Variants in CFAP99 observed in about 807,000 individuals in gnomAD.
CFAP99 encodes the protein cilia and flagella associated protein 99.
CFAP99 carries 84 observed loss-of-function variants against 82.7 expected under a neutral mutation model. The observed-to-expected ratio is 1.02, with a 90% CI of 0.85 to 1.22. The LOEUF (loss-of-function observed/expected upper bound fraction) is 1.22. CFAP99 is among the 50% of genes most tolerant of loss of function. The pLI is 0.00. For missense variants in CFAP99, 1,059 were observed against 983.5 expected (o/e 1.08, Z -1.03); for synonymous variants, 456 against 429.5 (o/e 1.06, Z -0.76).
At chr4:2,457,125 T>C (rs1017517004) in intron 11 of CFAP99, among the ~76,000 whole-genome samples, 1 of 151,868 alleles carries the variant, frequency 6.6e-6, no homozygotes. Context: ...GCTAGTTTTG[T>C]ATTTTCTGTA....
At chr4:2,452,484 C>A in intron 11 of CFAP99, 138 bp downstream of exon 11, 2 of 877,856 alleles carry the variant, frequency 2.3e-6, no homozygotes, top group South Asian at 1.7e-5. Flanking sequence ...TTGGTCCTGG[C>A]TCCTCTTCCT....
At chr4:2,437,122 C>T in intron 3 of CFAP99, 104 bp downstream of exon 3, 2 of 1,368,552 alleles carry the variant, frequency 1.5e-6, no homozygotes, top group Non-Finnish European at 2.0e-6. Flanking sequence ...GGGCCAGCTC[C>T]TCCTTCCTGC....
intron 6 of CFAP99, 28 bp from the exon 7 acceptor site, chr4:2,449,642 T>G: frequency 6.5e-7 from 1 of 1,533,868 alleles, no homozygotes; most frequent in South Asian, 1.2e-5. Context: ...CTGCTGACCA[T>G]AGGCTCTTCC....
intron 2 of CFAP99, 100 bp downstream of exon 2, chr4:2,426,686 C>A (rs1318205477): frequency 9.1e-6 from 7 of 767,708 alleles, no homozygotes; most frequent in Non-Finnish European, 1.3e-5. Context: ...GACTGCCTTC[C>A]TTCCACATGG....
Position 2,445,245 on chromosome 4 carries a change from TG to T in CFAP99, c.580del (p.Ala194ProfsTer52). On this transcript the variant is annotated frameshift_variant, in exon 6 of 15. Coordinates refer to ENST00000635017, the Ensembl canonical transcript of CFAP99. LOFTEE classifies it high-confidence loss of function. ...CAGAGCCCAAGGAATTCAACCTGAC[TG>T]CCCCCAGGCCCCGCACCATTCCAGC... The T allele has an allele frequency of 6.9e-7, 1 of 1,447,588 alleles. No individual in the cohort carries two copies. The highest frequency in any genetic ancestry group is 9.1e-7 in the Non-Finnish European group (1 of 1,102,830). 89.7% of individuals were successfully genotyped at this position (1,447,588 alleles called of 1,614,324 possible).
At chr4:2,428,148 T>G (rs1733723452) in intron 2 of CFAP99, 1 of 152,572 alleles carries the variant, frequency 6.6e-6, no homozygotes. Context: ...GGCACACCTC[T>G]CATCCCGCCG....
At chr4:2,435,009 T>C (rs1733879189) in intron 2 of CFAP99, among the ~76,000 whole-genome samples, 1 of 152,016 alleles carries the variant, frequency 6.6e-6, no homozygotes, top group Non-Finnish European at 1.5e-5. Context: ...TAAAAGCAAC[T>C]GAAGGGCTGG....
intron 3 of CFAP99, among the ~76,000 whole-genome samples, chr4:2,437,663 T>C (rs1733947106): frequency 6.6e-6 from 1 of 152,206 alleles, no homozygotes; most frequent in Non-Finnish European, 1.5e-5. Flanking sequence ...AGCCTTATGA[T>C]GCGCAGCGCG....
intron 2 of CFAP99, among the ~76,000 whole-genome samples, chr4:2,432,640 G>A (rs560467883): frequency 2.2e-4 from 33 of 152,254 alleles, no homozygotes; most frequent in Non-Finnish European, 3.5e-4. Flanking sequence ...GCAGACAAGT[G>A]CACTTCTGGA....
chr4:2,436,746 G>C, intron 2 of CFAP99, 128 bp from the exon 3 acceptor site: 3 of 721,380 alleles, frequency 4.2e-6, no homozygotes, highest in Non-Finnish European at 6.8e-6. Context: ...TGCCTTGGGG[G>C]CCCCACTAAC....
chr4:2,460,036 G>A lies in CFAP99; in HGVS notation c.1456-1G>A. 2 of 1,535,736 alleles carry A rather than the reference G, an allele frequency of 1.3e-6. No homozygotes were observed. The highest frequency in any genetic ancestry group is 1.7e-6 in the Non-Finnish European group (2 of 1,146,862). ...TTGGGGCCTCCCCTACCACCCCACA[G>A]ATCCCCGGCTACGGCCTGGAAGGAG... On this transcript the variant is annotated splice_acceptor_variant, in intron 13 of 14. Coordinates refer to ENST00000635017, the Ensembl canonical transcript of CFAP99. LOFTEE classifies it high-confidence loss of function.
rs1734335572 is a variant in CFAP99, at chr4:2,452,762, T to TA, written c.1161+423dup. 2.0e-5 allele frequency among the ~76,000 whole-genome samples: 3 copies of TA among 152,246 alleles called. No individual in the cohort carries two copies. In the South Asian group the frequency reaches 6.2e-4, roughly 32 times the overall value. ...GCCTTTTCTTTCCTTTTTACTTTTT[T>TA]AAAAAAATATGAAGGCCAGGCCAGG... On this transcript the variant is annotated intron_variant, in intron 11 of 14. Transcript: ENST00000635017.
At chr4:2,433,968 C>G (rs1733853667) in intron 2 of CFAP99, among the ~76,000 whole-genome samples, 1 of 152,216 alleles carries the variant, frequency 6.6e-6, no homozygotes, top group South Asian at 2.1e-4. Flanking sequence ...ATCTGAGAAG[C>G]CTCGCCCTGA....
intron 3 of CFAP99, 51 bp from the exon 4 acceptor site, chr4:2,438,019 C>A: frequency 1.8e-6 from 2 of 1,109,570 alleles, no homozygotes; most frequent in Non-Finnish European, 2.6e-6. Context: ...CCGCCGTGTG[C>A]CTGGTGCCCC....
chr4:2,426,048 G>A (rs1480046152), intron 1 of CFAP99, among the ~76,000 whole-genome samples: 2 of 152,202 alleles, frequency 1.3e-5, no homozygotes, highest in African/African-American at 2.4e-5. Context: ...GCTGAGGGAC[G>A]CTCAGAGGCT....
rs1417414902 is a variant in CFAP99 at position 2,446,871 on chromosome 4, G to A, written c.642+1563G>A. ...TTGGTGAATGGATAGATGGATGATT[G>A]GATGGAGGAATGAATGGGTGGATGA... On this transcript the variant is annotated intron_variant, in intron 6 of 14. Coordinates refer to ENST00000635017, the Ensembl canonical transcript of CFAP99. The surrounding 1 kb of genome is among the most constrained non-coding windows in gnomAD (Gnocchi z 5.0). Among the ~76,000 whole-genome samples the A allele has an allele frequency of 6.6e-6, 1 of 151,742 alleles. No individual in the cohort carries two copies. The highest frequency in any genetic ancestry group is 1.5e-5 in the Non-Finnish European group (1 of 67,906).
chr4:2,431,583 C>G (rs530503331), intron 2 of CFAP99, among the ~76,000 whole-genome samples: 49 of 152,106 alleles, frequency 3.2e-4, no homozygotes, highest in Middle Eastern at 3.2e-3. Context: ...AATTGGCTCT[C>G]GTGCTTTCAA....
intron 2 of CFAP99, chr4:2,427,783 G>T (rs1236799220): frequency 6.6e-6 from 1 of 152,340 alleles, no homozygotes; most frequent in Non-Finnish European, 1.5e-5. Flanking sequence ...CTACCTCTGG[G>T]GCAGCCTCAA....
At chr4:2,433,534 G>T (rs574445172) in intron 2 of CFAP99, among the ~76,000 whole-genome samples, 1 of 152,012 alleles carries the variant, frequency 6.6e-6, no homozygotes, top group Non-Finnish European at 1.5e-5. Context: ...CCAGCCCCCC[G>T]CAGGATCCCC....
Sources: allele counts gnomAD v4.1 joint callset (sites outside exome capture counted in the v4.1 genomes callset), GRCh38; gene constraint gnomAD v4.1.1; non-coding constraint Gnocchi (gnomAD v3.1); transcripts MANE v1.5; gene names NCBI Gene and HGNC (gene_info 2026-07-23, HGNC 2026-07-21).